BSCL2: variants seen among roughly 807,000 people sequenced by gnomAD.
The protein encoded by BSCL2 is seipin.
A neutral mutation model predicts 57.4 loss-of-function variants in BSCL2; 41 were observed. The ratio of observed to expected loss-of-function variants is 0.71; its 90% CI spans 0.56 to 0.93. The LOEUF is 0.93. Among genes scored for constraint, BSCL2 ranks in the 40% least tolerant of loss-of-function variants. The pLI is 0.00. For missense variants in BSCL2, 539 were observed against 586.7 expected, an observed-to-expected ratio of 0.92 and a Z score of 0.84; for synonymous variants, 237 against 227.3, an observed-to-expected ratio of 1.04 and a Z score of -0.38.
At chr11:62,702,579 T>C (rs1206645074) in intron 2 of BSCL2, 30 bp from the exon 3 acceptor site, 1 of 1,584,954 alleles carries the variant, frequency 6.3e-7, no homozygotes, top group Non-Finnish European at 8.6e-7. Flanking sequence ...GATACTCTGC[T>C]AAGTTAGTCT....
chr11:62,702,487 G>C lies in BSCL2; in HGVS notation c.467C>G (p.Thr156Ser). ...ACTCACCCGATCACGTCCACCCTTA[G>C]TCAGCGAGACATTGGCAACAGGGAA... The part of the protein sequence containing the change: ...CSFPVANVSL[T>S]KGGRDRVLMY... The change falls in exon 3 of 11, where the codon ACT (threonine) becomes AGT (serine). Residue 156 changes from threonine to serine, a missense_variant. This residue lies in a region of BSCL2 where 218 missense variants were observed against 224.8 expected (regional missense o/e 0.97). Coordinates refer to ENST00000360796, the MANE Select transcript of BSCL2 (RefSeq NM_001122955.4). 6.2e-7 allele frequency: 1 copy of C among 1,612,906 alleles called. No homozygotes were observed. The highest frequency in any genetic ancestry group is 1.3e-5 in the African/African-American group (1 of 74,994).
intron 3 of BSCL2, 93 bp downstream of exon 3, chr11:62,702,375 T>G: frequency 8.4e-7 from 1 of 1,195,268 alleles, no homozygotes; most frequent in Non-Finnish European, 1.2e-6. Flanking sequence ...CAGTCTCTTA[T>G]TACTCAATTC....
chr11:62,707,218 C>T lies in BSCL2; in HGVS notation c.-23G>A, dbSNP rs537527589. 2.2e-5 allele frequency: 34 copies of T among 1,549,160 alleles called. No homozygotes were observed. In the African/African-American group the frequency reaches 3.1e-4, roughly 14 times the overall value. The stretch of plus-strand genomic sequence containing the variant: ...CATCTTCCTGACGAGCCTCTGTTGA[C>T]TCTGGATCTTCCACTGAGTCACTTG... On this transcript the variant is annotated 5_prime_UTR_variant, in exon 1 of 11. Transcript: ENST00000360796.
At chr11:62,707,576 A>G (rs1310117192), upstream of BSCL2, 1 of 580,014 alleles carries the variant, frequency 1.7e-6, no homozygotes. Flanking sequence ...GGGGAGGGGC[A>G]GGCAGTGAAC....
intron 3 of BSCL2, among the ~76,000 whole-genome samples, chr11:62,700,856 G>C (rs1945618230): frequency 6.6e-6 from 1 of 152,048 alleles, no homozygotes; most frequent in Admixed American, 6.6e-5. Context: ...AGGAGGCTGA[G>C]GTGGGAGAAT....
At chr11:62,709,290 G>A, upstream of BSCL2, 1 of 454,184 alleles carries the variant, frequency 2.2e-6, no homozygotes, top group Non-Finnish European at 4.4e-6. Context: ...ATCAATGCAG[G>A]CTAGACATCG....
At chr11:62,696,140 C>T (rs2134707991) in intron 3 of BSCL2, among the ~76,000 whole-genome samples, 1 of 152,320 alleles carries the variant, frequency 6.6e-6, no homozygotes, top group Middle Eastern at 3.4e-3. Context: ...CACTGTACTC[C>T]AGCCTGGGTG....
At chr11:62,690,272 G>A (rs1429120136), downstream of BSCL2, 1 of 1,568,044 alleles carries the variant, frequency 6.4e-7, no homozygotes, top group African/African-American at 1.4e-5. Flanking sequence ...CAGAGTCAAG[G>A]AAGAAGCTGA....
At chr11:62,702,372 T>C (rs889889139) in intron 3 of BSCL2, 96 bp downstream of exon 3, 3 of 1,179,216 alleles carry the variant, frequency 2.5e-6, no homozygotes, top group Non-Finnish European at 2.4e-6. Context: ...GGCCAGTCTC[T>C]TATTACTCAA....
At chr11:62,695,052 T>C (rs927665250) in intron 3 of BSCL2, among the ~76,000 whole-genome samples, 5 of 152,198 alleles carry the variant, frequency 3.3e-5, no homozygotes, top group African/African-American at 1.2e-4. Flanking sequence ...GGTGAGGCTG[T>C]CCCCAGGGCC....
intron 2 of BSCL2, among the ~76,000 whole-genome samples, chr11:62,703,741 G>A (rs539241980): frequency 1.3e-5 from 2 of 152,080 alleles, no homozygotes; most frequent in East Asian, 3.9e-4. Context: ...TCTGGACCAG[G>A]GACTTAAGGG....
upstream of BSCL2, chr11:62,708,549 G>T (rs972771734): frequency 2.2e-6 from 3 of 1,354,074 alleles, no homozygotes; most frequent in Admixed American, 4.0e-5. Context: ...CCAGGCCTCT[G>T]GGGGGGATGA....
intron 1 of BSCL2, chr11:62,706,089 G>A: frequency 2.3e-6 from 1 of 443,582 alleles, no homozygotes; most frequent in Non-Finnish European, 3.1e-6. Context: ...CTCGAGCAGA[G>A]CTCGCTCACC....
At chr11:62,701,215 G>T (rs946072953) in intron 3 of BSCL2, among the ~76,000 whole-genome samples, 11 of 152,118 alleles carry the variant, frequency 7.2e-5, no homozygotes, top group African/African-American at 2.7e-4. Flanking sequence ...GTTCATTTAG[G>T]TCTAAAACAT....
upstream of BSCL2, chr11:62,708,817 C>G: frequency 6.2e-7 from 1 of 1,606,600 alleles, no homozygotes; most frequent in South Asian, 1.1e-5. Context: ...GCTCCCCTGT[C>G]CCTTCTCACA....
rs17848887 is a variant in BSCL2 at position 62,692,305 on chromosome 11, T to C, written c.863+71A>G. On this transcript the variant is annotated intron_variant, in intron 6 of 10. Transcript: ENST00000360796. ...TGCTCTGTAAACCCATTACCTCTGCTTGGGACCCTCTTGGTGGAAGGTTAG... is the reference window on the plus strand; with the variant it reads ...TGCTCTGTAAACCCATTACCTCTGCCTGGGACCCTCTTGGTGGAAGGTTAG... 9.0e-5 allele frequency: 135 copies of C among 1,506,918 alleles called. 1 individual carries two copies. In the East Asian group the frequency reaches 1.7e-3, roughly 19 times the overall value. 93.3% of individuals were successfully genotyped at this position (1,506,918 alleles called of 1,614,324 possible).
intron 2 of BSCL2, among the ~76,000 whole-genome samples, chr11:62,703,598 G>A (rs1374650431): frequency 2.0e-5 from 3 of 151,200 alleles, no homozygotes; most frequent in Admixed American, 2.0e-4. Flanking sequence ...TGATCCGCCT[G>A]CCTCGGCCTC....
chr11:62,708,144 G>A, upstream of BSCL2: 1 of 671,212 alleles, frequency 1.5e-6, no homozygotes, highest in Admixed American at 2.2e-5. Context: ...GGAATACAGG[G>A]ATGAGACAGT....
intron 1 of BSCL2, 42 bp downstream of exon 1, chr11:62,707,067 T>G (rs1272584713): frequency 6.6e-6 from 10 of 1,514,738 alleles, no homozygotes; most frequent in Non-Finnish European, 9.0e-6. Context: ...GCCCACCTAT[T>G]TCCAGTATAT....
Sources: gnomAD v4.1 joint callset for allele counts (sites outside exome capture counted in the v4.1 genomes callset) on GRCh38, gnomAD v4.1.1 for gene constraint, gnomAD v4.1.1 regional missense constraint, MANE v1.5 for transcripts, NCBI Gene and HGNC (gene_info 2026-07-23, HGNC 2026-07-21) for gene names.